Variants in PEX5L observed in about 807,000 individuals in gnomAD.
PEX5L encodes the protein peroxisomal biogenesis factor 5 like.
In PEX5L, 30 loss-of-function variants were observed where a neutral mutation model predicts 84.0. The observed-to-expected ratio is 0.36, with a 90% CI of 0.27 to 0.48. PEX5L has a LOEUF of 0.48. Among genes scored for constraint, PEX5L ranks in the 20% least tolerant of loss-of-function variants. The probability of loss-of-function intolerance (pLI) is 0.99; values close to 1 mark genes in which losing one functional copy is unlikely to be tolerated. For synonymous variants in PEX5L, 270 were observed against 283.1 expected, an observed-to-expected ratio of 0.95 and a Z score of 0.46; for missense variants, 533 against 754.6, an observed-to-expected ratio of 0.71 and a Z score of 3.44.
At chr3:179,836,020 A>G (rs962115605) in intron 8 of PEX5L, among the ~76,000 whole-genome samples, 1 of 152,252 alleles carries the variant, frequency 6.6e-6, no homozygotes, top group Admixed American at 6.5e-5. Flanking sequence ...AGACAAATAC[A>G]TGAACAAAAA....
chr3:179,973,154 C>A (rs746778426), intron 1 of PEX5L: 1 of 1,286,614 alleles, frequency 7.8e-7, no homozygotes, highest in South Asian at 1.2e-5. Context: ...GATCTGTATA[C>A]GTACCAAGTA....
Position 179,796,530 on chromosome 3 carries a change from T to TTAAC in PEX5L, c.*5294_*5297dup, listed in dbSNP as rs1491497217. The TTAAC allele has an allele frequency of 6.6e-6, 1 of 151,950 alleles. No individual in the cohort carries two copies. The highest frequency in any genetic ancestry group is 2.4e-5 in the African/African-American group (1 of 41,350). 9.4% of individuals were successfully genotyped at this position (151,950 alleles called of 1,614,324 possible). The stretch of plus-strand genomic sequence containing the variant: ...ATTTTCTGTGTTTTTTTTTTTCCTC[T>TTAAC]TAACTGTTTAATGCCTCCCCACAAT... On this transcript the variant is annotated 3_prime_UTR_variant, in exon 15 of 15. Transcript: ENST00000467460.
intron 2 of PEX5L, among the ~76,000 whole-genome samples, chr3:179,929,640 T>C (rs1772458758): frequency 6.6e-6 from 1 of 152,318 alleles, no homozygotes; most frequent in Non-Finnish European, 1.5e-5. Flanking sequence ...CAACCGCCCC[T>C]GGTTCAGAGA....
intron 2 of PEX5L, among the ~76,000 whole-genome samples, chr3:179,944,449 G>A (rs550499959): frequency 2.6e-4 from 39 of 152,248 alleles, no homozygotes; most frequent in African/African-American, 9.1e-4. Context: ...TATGATAATG[G>A]GGATAAAAAT....
At chr3:179,840,870 TACACAATGAATATTAGAC>T (rs1216499433) in intron 8 of PEX5L, among the ~76,000 whole-genome samples, 1 of 152,062 alleles carries the variant, frequency 6.6e-6, no homozygotes, top group Non-Finnish European at 1.5e-5. Flanking sequence ...ATATGTTAAG[TACACAATGAATATTAGAC>T]ACCCAAGTAG....
intron 2 of PEX5L, among the ~76,000 whole-genome samples, chr3:179,933,588 T>C (rs771905507): frequency 1.3e-5 from 2 of 152,214 alleles, no homozygotes; most frequent in African/African-American, 2.4e-5. Flanking sequence ...GAAATACAAA[T>C]GGAATTTTAA....
intron 2 of PEX5L, among the ~76,000 whole-genome samples, chr3:179,926,124 C>A (rs1212864730): frequency 2.0e-5 from 3 of 152,180 alleles, no homozygotes; most frequent in Non-Finnish European, 4.4e-5. Flanking sequence ...AATATCCAAT[C>A]CATCAGCAGA....
chr3:179,826,408 A>G (rs1383384671), intron 8 of PEX5L, among the ~76,000 whole-genome samples: 17 of 152,206 alleles, frequency 1.1e-4, no homozygotes, highest in Non-Finnish European at 1.5e-5. Context: ...TCACATGATT[A>G]TATCTGTGTT....
intron 1 of PEX5L, chr3:179,973,468 C>T (rs1350041857): frequency 9.1e-7 from 1 of 1,094,184 alleles, no homozygotes; most frequent in African/African-American, 1.7e-5. Flanking sequence ...TTTATCCATG[C>T]ACTTCTATGC....
At chr3:180,022,104 A>G (rs569538656) in intron 1 of PEX5L, among the ~76,000 whole-genome samples, 301 of 152,344 alleles carry the variant, frequency 2.0e-3, no homozygotes, top group African/African-American at 7.0e-3. Context: ...AAAATCAGCT[A>G]TGAAAGAAAA....
At chr3:180,021,059 C>T (rs1438333851) in intron 1 of PEX5L, among the ~76,000 whole-genome samples, 2 of 152,038 alleles carry the variant, frequency 1.3e-5, no homozygotes, top group Non-Finnish European at 2.9e-5. Context: ...GCTCAGGGTG[C>T]TATGAGAACA....
rs529474059 is a variant in PEX5L at position 179,967,788 on chromosome 3, A to G, written c.93+3806T>C. On this transcript the variant is annotated intron_variant, in intron 2 of 14. Coordinates refer to ENST00000467460, the MANE Select transcript of PEX5L (RefSeq NM_016559.3). ...TGTTTTCTCTGACCCGGTGATTCAT[A>G]AAGTGTGGTCTGGAACCAGCAGCAG... Among the ~76,000 whole-genome samples, 8 of 152,300 alleles carry G rather than the reference A, an allele frequency of 5.3e-5. No individual in the cohort carries two copies. The South Asian group carries it at 1.4e-3, about 28-fold the overall frequency.
At chr3:180,010,236 C>T (rs1647672243) in intron 1 of PEX5L, among the ~76,000 whole-genome samples, 1 of 129,146 alleles carries the variant, frequency 7.7e-6, no homozygotes, top group East Asian at 2.0e-4. Flanking sequence ...TGAGCCACTG[C>T]ACCCGGCCTC....
chr3:179,939,170 A>G (rs1206400656), intron 2 of PEX5L, among the ~76,000 whole-genome samples: 1 of 152,214 alleles, frequency 6.6e-6, no homozygotes, highest in Non-Finnish European at 1.5e-5. Flanking sequence ...CATGGTCTTC[A>G]CTTTTGATTG....
At chr3:179,918,736 CTTCTTCTTTCTTCTTTTT>C (rs1298622375) in intron 2 of PEX5L, among the ~76,000 whole-genome samples, 9 of 152,150 alleles carry the variant, frequency 5.9e-5, no homozygotes, top group African/African-American at 2.2e-4. Flanking sequence ...TCATTAATTT[CTTCTTCTTTCTTCTTTTT>C]TTCTTCTTTC....
chr3:179,842,460 T>C (rs1020784279), intron 8 of PEX5L, among the ~76,000 whole-genome samples: 4 of 152,202 alleles, frequency 2.6e-5, no homozygotes, highest in African/African-American at 9.6e-5. Flanking sequence ...CTTATGTTTA[T>C]GTCATTCATC....
intron 3 of PEX5L, chr3:179,895,649 C>A (rs1335144311): frequency 6.6e-6 from 1 of 152,088 alleles, no homozygotes; most frequent in Non-Finnish European, 1.5e-5. Context: ...ATATAGACAG[C>A]TCCACTAGAG....
intron 1 of PEX5L, among the ~76,000 whole-genome samples, chr3:180,008,531 C>A (rs529388099): frequency 3.3e-5 from 5 of 152,166 alleles, no homozygotes; most frequent in African/African-American, 1.2e-4. Context: ...CTGGTACCAA[C>A]TTACTGTATT....
chr3:179,888,975 C>A (rs1756789030), intron 3 of PEX5L, among the ~76,000 whole-genome samples: 1 of 151,864 alleles, frequency 6.6e-6, no homozygotes, highest in South Asian at 2.1e-4. Flanking sequence ...CAAGGTCCCA[C>A]CATCTTGCCT....
Sources: allele counts gnomAD v4.1 joint callset (sites outside exome capture counted in the v4.1 genomes callset), GRCh38; gene constraint gnomAD v4.1.1; transcripts MANE v1.5; gene names NCBI Gene and HGNC (gene_info 2026-07-23, HGNC 2026-07-21).